ZC3H7A: variants seen among roughly 807,000 people sequenced by gnomAD.
ZC3H7A encodes the protein zinc finger CCCH-type containing 7A, also known as zinc finger CCCH domain-containing protein 7A.
A neutral mutation model predicts 125.5 loss-of-function variants in ZC3H7A; 44 were observed. The ratio of observed to expected loss-of-function variants is 0.35; its 90% CI spans 0.28 to 0.45. The LOEUF (loss-of-function observed/expected upper bound fraction) is 0.45, where lower values mean the gene tolerates loss of function less well. Among genes scored for constraint, ZC3H7A ranks in the 20% least tolerant of loss-of-function variants. The pLI is 1.00. For missense variants in ZC3H7A, 977 were observed against 1,170.7 expected (o/e 0.83, Z 2.41); for synonymous variants, 399 against 391.2 (o/e 1.02, Z -0.23).
chr16:11,757,456 C>T (rs1351762959), intron 20 of ZC3H7A, among the ~76,000 whole-genome samples: 2 of 140,640 alleles, frequency 1.4e-5, no homozygotes, highest in Non-Finnish European at 3.0e-5. Context: ...TGCACTCCAG[C>T]CTGGGTGACA....
Position 11,761,896 on chromosome 16 carries a change from C to T in ZC3H7A, c.2213+14G>A. On this transcript the variant is annotated intron_variant, in intron 18 of 22. Coordinates refer to ENST00000355758, the MANE Select transcript of ZC3H7A (RefSeq NM_014153.4). ...AATTACAAAATAGGAATTGTTTCCA[C>T]ACACAATACTTACGAATGCCTTGCT... is the stretch of plus-strand genomic sequence containing the variant. 1 of 1,607,914 alleles carries T rather than the reference C, an allele frequency of 6.2e-7. No individual in the cohort carries two copies. The highest frequency in any genetic ancestry group is 8.5e-7 in the Non-Finnish European group (1 of 1,178,666).
chr16:11,778,783 G>A (rs1329982631), intron 4 of ZC3H7A, among the ~76,000 whole-genome samples: 4 of 151,862 alleles, frequency 2.6e-5, no homozygotes, highest in Admixed American at 1.3e-4. Flanking sequence ...GCACAATCTC[G>A]GCTCACTGCA....
rs1203658223 is a variant in ZC3H7A at position 11,797,244 on chromosome 16, A to AGCGGCG, written c.-161_-156dup. 6.6e-6 allele frequency: 1 copy of AGCGGCG among 150,758 alleles called. No homozygotes were observed. Among genetic ancestry groups the AGCGGCG allele is most frequent in the Non-Finnish European group, 1.5e-5 (1 of 67,346 alleles). The allele number at this position is 150,758 out of a possible 1,614,324, so 9.3% of individuals were successfully genotyped here. ...GCTCGCTCGCAGCTCTCCCTCGGTT[A>AGCGGCG]GCGGCGGCGGCAGCGGCTCGGTTGC... On this transcript the variant is annotated 5_prime_UTR_variant, in exon 1 of 23. Coordinates refer to ENST00000355758, the MANE Select transcript of ZC3H7A (RefSeq NM_014153.4).
chr16:11,771,433 C>T (rs1179957556), intron 9 of ZC3H7A, among the ~76,000 whole-genome samples: 2 of 151,620 alleles, frequency 1.3e-5, no homozygotes, highest in African/African-American at 4.8e-5. Context: ...AATCAAGATT[C>T]GTTTAAAACA....
chr16:11,764,376 C>G (rs1030333374), intron 15 of ZC3H7A, among the ~76,000 whole-genome samples: 4 of 152,102 alleles, frequency 2.6e-5, no homozygotes, highest in Non-Finnish European at 5.9e-5. Flanking sequence ...TGGTAAAACC[C>G]TGTCTCTACT....
At chr16:11,781,197 C>G (rs1025792927) in intron 3 of ZC3H7A, among the ~76,000 whole-genome samples, 2 of 152,030 alleles carry the variant, frequency 1.3e-5, no homozygotes, top group Non-Finnish European at 2.9e-5. Flanking sequence ...TGGTCTCTGT[C>G]AAAACTACCA....
intron 15 of ZC3H7A, 92 bp downstream of exon 15, chr16:11,764,961 C>T (rs1444472923): frequency 1.3e-6 from 1 of 784,438 alleles, no homozygotes; most frequent in Non-Finnish European, 2.0e-6. Context: ...GATGAAAGGG[C>T]AATGCCTGGA....
intron 1 of ZC3H7A, among the ~76,000 whole-genome samples, chr16:11,783,476 T>C (rs2053205626): frequency 6.6e-6 from 1 of 152,120 alleles, no homozygotes; most frequent in Non-Finnish European, 1.5e-5. Context: ...GCTAGCTAAT[T>C]CCTTGTCTTG....
chr16:11,766,884 A>G (rs375462184), intron 13 of ZC3H7A, among the ~76,000 whole-genome samples: 158 of 152,348 alleles, frequency 1.0e-3, no homozygotes, highest in African/African-American at 3.6e-3. Context: ...CTCTGTCTCA[A>G]AAAAGAAAAA....
In ZC3H7A at chr16:11,755,066, G is replaced by A. The variant is rs148848704; in HGVS notation, c.2562+1171C>T. On this transcript the variant is annotated intron_variant, in intron 21 of 22. Transcript: ENST00000355758. ...CTACCAAAAACACAAAAAATTAGCC[G>A]GGCGTGGTGGCAGGCGCCTATAATC... Among the ~76,000 whole-genome samples, 96 of 151,492 alleles carry A rather than the reference G, an allele frequency of 6.3e-4. 1 individual carries two copies. The East Asian group carries it at 0.016, about 25-fold the overall frequency.
chr16:11,777,944 G>C (rs551538538), intron 4 of ZC3H7A, among the ~76,000 whole-genome samples: 1 of 150,790 alleles, frequency 6.6e-6, no homozygotes, highest in Non-Finnish European at 1.5e-5. Flanking sequence ...TCTTGAACCC[G>C]GGAGACGGAG....
intron 9 of ZC3H7A, among the ~76,000 whole-genome samples, chr16:11,771,371 G>A (rs1401731654): frequency 6.6e-6 from 1 of 151,268 alleles, no homozygotes; most frequent in African/African-American, 2.4e-5. Flanking sequence ...CTGGGCGACA[G>A]AGCAAGACTC....
At chr16:11,764,317 G>A (rs1339167721) in intron 15 of ZC3H7A, among the ~76,000 whole-genome samples, 1 of 152,150 alleles carries the variant, frequency 6.6e-6, no homozygotes, top group Non-Finnish European at 1.5e-5. Context: ...GGGAGGCCAA[G>A]GCGGGTGGAT....
At chr16:11,760,288 G>T (rs1428280544) in intron 19 of ZC3H7A, among the ~76,000 whole-genome samples, 3 of 152,130 alleles carry the variant, frequency 2.0e-5, no homozygotes, top group Non-Finnish European at 4.4e-5. Context: ...AACCAGGGTT[G>T]TTCTCAGTTG....
chr16:11,752,599 T>G, intron 22 of ZC3H7A, 70 bp downstream of exon 22: 1 of 1,544,544 alleles, frequency 6.5e-7, no homozygotes, highest in Non-Finnish European at 8.8e-7. Flanking sequence ...GTATTCCGTG[T>G]CAGCTGACAT....
chr16:11,774,852 C>A, intron 8 of ZC3H7A, 128 bp downstream of exon 8: 1 of 1,155,330 alleles, frequency 8.7e-7, no homozygotes, highest in Non-Finnish European at 1.2e-6. Flanking sequence ...ATCATTTTCA[C>A]TTTCATATTA....
intron 1 of ZC3H7A, among the ~76,000 whole-genome samples, chr16:11,784,582 G>A (rs1012396833): frequency 2.0e-5 from 3 of 151,992 alleles, no homozygotes; most frequent in South Asian, 2.1e-4. Flanking sequence ...GAGGCCGGGC[G>A]CAGTGGCTCG....
chr16:11,761,585 G>A, intron 18 of ZC3H7A, 74 bp from the exon 19 acceptor site: 1 of 1,472,604 alleles, frequency 6.8e-7, no homozygotes, highest in Middle Eastern at 1.7e-4. Flanking sequence ...GAGGCACAAA[G>A]TTTGTACCTG....
At chr16:11,755,385 C>T (rs988906739) in intron 21 of ZC3H7A, among the ~76,000 whole-genome samples, 3 of 152,060 alleles carry the variant, frequency 2.0e-5, no homozygotes, top group African/African-American at 7.2e-5. Context: ...AGTTAACTTG[C>T]GATGGTGGGC....
Sources: allele counts gnomAD v4.1 joint callset (sites outside exome capture counted in the v4.1 genomes callset), GRCh38; gene constraint gnomAD v4.1.1; transcripts MANE v1.5; gene names NCBI Gene and HGNC (gene_info 2026-07-23, HGNC 2026-07-21).